The following ROS1 variants were observed in gnomAD, a reference collection of about 807,000 sequenced individuals.
ROS1 encodes ROS proto-oncogene 1, receptor tyrosine kinase, also known as proto-oncogene tyrosine-protein kinase ROS.
ROS1 carries 263 observed loss-of-function variants against 273.5 expected under a neutral mutation model. The observed-to-expected ratio is 0.96, with a 90% confidence interval of 0.87 to 1.06. The LOEUF (loss-of-function observed/expected upper bound fraction) is 1.06. ROS1 is among the 50% of genes least tolerant of loss of function. The pLI, the probability that ROS1 is intolerant of heterozygous loss-of-function variation, is 0.00. For synonymous variants in ROS1, 1,008 were observed against 954.1 expected, an observed-to-expected ratio of 1.06 and a Z score of -1.04; for missense variants, 2,833 against 2,751.1, an observed-to-expected ratio of 1.03 and a Z score of -0.67.
At chr6:117,369,529 G>A (rs1383821225) in intron 18 of ROS1, among the ~76,000 whole-genome samples, 1 of 151,754 alleles carries the variant, frequency 6.6e-6, no homozygotes, top group African/African-American at 2.4e-5. Context: ...AGCCGAGATC[G>A]CGCCACTGCA....
At chr6:117,290,258 C>T (rs528047865) in intron 43 of ROS1, among the ~76,000 whole-genome samples, 7 of 152,110 alleles carry the variant, frequency 4.6e-5, no homozygotes, top group African/African-American at 9.6e-5. Flanking sequence ...TTTGCAAATT[C>T]TGTTGTTATG....
intron 12 of ROS1, among the ~76,000 whole-genome samples, chr6:117,391,992 T>C (rs1215087531): frequency 6.6e-6 from 1 of 152,192 alleles, no homozygotes; most frequent in East Asian, 1.9e-4. Flanking sequence ...AAATCCATTT[T>C]ATCCTAATGG....
At chr6:117,417,046 C>T (rs1484700610) in intron 2 of ROS1, among the ~76,000 whole-genome samples, 1 of 151,998 alleles carries the variant, frequency 6.6e-6, no homozygotes, top group South Asian at 2.1e-4. Flanking sequence ...CTAGTTCTCC[C>T]GGAGCGAGTT....
chr6:117,306,675 G>T (rs1775127443), intron 42 of ROS1, among the ~76,000 whole-genome samples: 1 of 152,172 alleles, frequency 6.6e-6, no homozygotes, highest in Admixed American at 6.5e-5. Context: ...GCAGGGCTCA[G>T]TGCAGACTTT....
rs76524195 is a variant in ROS1, at chr6:117,358,086, T to C, written c.3634-77A>G. The C allele has an allele frequency of 5.8e-3, 5,523 of 956,662 alleles. 123 individuals carry two copies. The highest frequency in any genetic ancestry group is 0.056 in the African/African-American group (3,385 of 60,532). The allele number at this position is 956,662 out of a possible 1,614,324, so 59.3% of individuals were successfully genotyped here. A position where few individuals can be genotyped will look rare whatever the true frequency, so the allele number is the denominator to read the frequency against. On this transcript the variant is annotated intron_variant, in intron 24 of 43. Coordinates refer to ENST00000368507, the MANE Select transcript of ROS1 (RefSeq NM_001378902.1). ...TTGAAGACTTTTCTATATTCACCCA[T>C]ATCATTTGTTTACTGCACTTCTCAT...
intron 32 of ROS1, among the ~76,000 whole-genome samples, chr6:117,332,866 C>A (rs1777186712): frequency 6.6e-6 from 1 of 152,128 alleles, no homozygotes; most frequent in Admixed American, 6.5e-5. Context: ...AAATTCATAG[C>A]ACTAAATGCC....
rs944178677 is a variant in ROS1, at chr6:117,357,726, T to C, written c.3839+78A>G. 8.2e-6 allele frequency: 8 copies of C among 981,542 alleles called. No homozygotes were observed. In the African/African-American group the frequency reaches 9.8e-5, roughly 12 times the overall value. The allele number at this position is 981,542 out of a possible 1,614,324, so 60.8% of individuals were successfully genotyped here. A position where few individuals can be genotyped will look rare whatever the true frequency, so the allele number is the denominator to read the frequency against. ...TTATTTTTCCATAATTGTCTTCTAC[T>C]ATTAAACCAAAGACATTACATTAAA... On this transcript the variant is annotated intron_variant, in intron 25 of 43. Coordinates refer to ENST00000368507, the MANE Select transcript of ROS1 (RefSeq NM_001378902.1).
intron 42 of ROS1, 60 bp from the exon 43 acceptor site, chr6:117,301,197 C>T: frequency 1.5e-6 from 2 of 1,367,944 alleles, no homozygotes; most frequent in Non-Finnish European, 2.0e-6. Flanking sequence ...ACTGATAACC[C>T]AGGTAGGGTC....
chr6:117,324,200 T>C (rs1001050871), intron 35 of ROS1, 132 bp downstream of exon 35: 11 of 612,854 alleles, frequency 1.8e-5, no homozygotes, highest in Non-Finnish European at 3.2e-5. Flanking sequence ...TAGCCAAAGG[T>C]AACAATGTAA....
At chr6:117,379,303 TA>T (rs1191320395) in intron 17 of ROS1, 144 bp from the exon 18 acceptor site, 1 of 594,596 alleles carries the variant, frequency 1.7e-6, no homozygotes, top group Non-Finnish European at 3.0e-6. Flanking sequence ...TTTCTGACTA[TA>T]AAACTTATAT....
intron 43 of ROS1, among the ~76,000 whole-genome samples, chr6:117,297,478 T>A (rs1774333679): frequency 6.6e-6 from 1 of 151,884 alleles, no homozygotes; most frequent in African/African-American, 2.4e-5. Flanking sequence ...TCAACAGGGG[T>A]CTAATATCCA....
Position 117,311,080 on chromosome 6 carries a change from T to C in ROS1, c.6155A>G (p.Asp2052Gly), listed in dbSNP as rs764825728. ...GCCTTTTGAAATATCTACACACAGG[T>C]CTACAAGGTCAACCAAGGTGAGTAA... Reference protein sequence around the residue: ...GPLLTLVDLVDLCVDISKGCV... With the variant: ...GPLLTLVDLVGLCVDISKGCV... The change falls in exon 40 of 44, where the codon GAC (aspartate) becomes GGC (glycine). Residue 2052 changes from aspartate to glycine, a missense_variant. Asp to Gly is a moderately conservative substitution (Grantham distance 94, BLOSUM62 -1). Coordinates refer to ENST00000368507, the MANE Select transcript of ROS1 (RefSeq NM_001378902.1). 6.2e-7 allele frequency: 1 copy of C among 1,611,148 alleles called. No individual in the cohort carries two copies. Among genetic ancestry groups the C allele is most frequent in the Non-Finnish European group, 8.5e-7 (1 of 1,178,642 alleles).
At chr6:117,411,175 A>T (rs116351788) in intron 4 of ROS1, among the ~76,000 whole-genome samples, 1 of 152,004 alleles carries the variant, frequency 6.6e-6, no homozygotes, top group Non-Finnish European at 1.5e-5. Context: ...TTTAAAAGTT[A>T]TCTCAAGTGG....
At chr6:117,393,412 T>C in intron 11 of ROS1, 91 bp from the exon 12 acceptor site, 1 of 887,310 alleles carries the variant, frequency 1.1e-6, no homozygotes, top group Non-Finnish European at 1.8e-6. Context: ...TCTGTTCTGT[T>C]GGAATTGTAC....
chr6:117,344,240 A>C lies in ROS1; in HGVS notation c.4326T>G (p.Ala1442=). 1 of 1,613,836 alleles carries C rather than the reference A, an allele frequency of 6.2e-7. No homozygotes were observed. The highest frequency in any genetic ancestry group is 8.5e-7 in the Non-Finnish European group (1 of 1,179,776). ...PFPDKAFLSL[A]SDTVEPTILN... Reference sequence around the variant, plus strand: ...GTATAGTTGGTTCCACAGTGTCTGAAGCTAGAGACAGAAACGCTTTATCTA... The same window carrying C: ...GTATAGTTGGTTCCACAGTGTCTGACGCTAGAGACAGAAACGCTTTATCTA... The change falls in exon 28 of 44, where the codon GCT becomes GCG. Residue 1442 remains alanine, a synonymous_variant. Coordinates refer to ENST00000368507, the MANE Select transcript of ROS1 (RefSeq NM_001378902.1).
intron 7 of ROS1, 75 bp from the exon 8 acceptor site, chr6:117,397,191 G>A: frequency 2.0e-6 from 2 of 1,000,182 alleles, no homozygotes; most frequent in African/African-American, 1.7e-5. Context: ...ATGGAAAAAA[G>A]TCTTGTTTTT....
At chr6:117,374,065 CA>C (rs1367146015) in intron 18 of ROS1, among the ~76,000 whole-genome samples, 2 of 152,162 alleles carry the variant, frequency 1.3e-5, no homozygotes, top group African/African-American at 4.8e-5. Flanking sequence ...ACCATACTGC[CA>C]AAAGCAATCT....
Position 117,383,494 on chromosome 6 carries a change from A to T in ROS1, c.2304T>A (p.Ser768=). 1 of 1,613,762 alleles carries T rather than the reference A, an allele frequency of 6.2e-7. No individual in the cohort carries two copies. The highest frequency in any genetic ancestry group is 1.3e-5 in the African/African-American group (1 of 75,052). Reference sequence around the variant, plus strand: ...CAATGTCTGTGTGTCCCGTCAACACAGACTGCCTTTGTATCTAAAAAACAT... The same window carrying T: ...CAATGTCTGTGTGTCCCGTCAACACTGACTGCCTTTGTATCTAAAAAACAT... ...AGKTYVIQRQ[S]VLTGHTDIVT... The change falls in exon 17 of 44, where the codon TCT becomes TCA. Residue 768 remains serine (S), a synonymous_variant. Transcript: ENST00000368507.
Position 117,317,138 on chromosome 6 carries a change from C to G in ROS1, c.6117+5G>C, listed in dbSNP as rs533149554. On this transcript the variant is annotated splice_donor_5th_base_variant and intron_variant, in intron 39 of 43. Transcript: ENST00000368507. Reference sequence around the variant, plus strand: ...AAACCAATATTATGGATCCCAACTGCCTACCGTTGCCATCCGGGCTTTACG... The same window carrying G: ...AAACCAATATTATGGATCCCAACTGGCTACCGTTGCCATCCGGGCTTTACG... 6.2e-7 allele frequency: 1 copy of G among 1,610,028 alleles called. No individual in the cohort carries two copies. The highest frequency in any genetic ancestry group is 1.1e-5 in the South Asian group (1 of 90,086).
Sources: allele counts gnomAD v4.1 joint callset (sites outside exome capture counted in the v4.1 genomes callset), GRCh38; gene constraint gnomAD v4.1.1; transcripts MANE v1.5; gene names NCBI Gene and HGNC (gene_info 2026-07-23, HGNC 2026-07-21).